Variants in RHOBTB3 observed in about 807,000 individuals in gnomAD.
RHOBTB3 encodes the protein Rho related BTB domain containing 3.
In RHOBTB3, 47 loss-of-function variants were observed where a neutral mutation model predicts 67.2. That is an observed-to-expected ratio of 0.70 (90% CI 0.55 to 0.89). The LOEUF (loss-of-function observed/expected upper bound fraction) is 0.89. Ranked by LOEUF, RHOBTB3 falls within the 40% of genes least tolerant of loss-of-function variation. The pLI is 0.00. For synonymous variants in RHOBTB3, 273 were observed against 274.2 expected, an observed-to-expected ratio of 1.00 and a Z score of 0.04; for missense variants, 631 against 750.0, an observed-to-expected ratio of 0.84 and a Z score of 1.85.
At chr5:95,767,742 C>T in intron 7 of RHOBTB3, 1 of 684,462 alleles carries the variant, frequency 1.5e-6, no homozygotes, top group Non-Finnish European at 2.7e-6. Flanking sequence ...CTACTGTTGT[C>T]TGTTTCTCAA....
intron 8 of RHOBTB3, chr5:95,769,535 A>C (rs867357433): frequency 5.7e-6 from 1 of 176,700 alleles, no homozygotes; most frequent in African/African-American, 2.4e-5. Context: ...CTGCAAATAG[A>C]GACAAATCAG....
At chr5:95,783,384 A>G (rs1018919871) in intron 9 of RHOBTB3, among the ~76,000 whole-genome samples, 1 of 151,690 alleles carries the variant, frequency 6.6e-6, no homozygotes, top group African/African-American at 2.4e-5. Context: ...GGCCTCCCCA[A>G]GTGCTGGGAT....
chr5:95,777,615 G>T (rs778649950), intron 8 of RHOBTB3, among the ~76,000 whole-genome samples: 1 of 152,034 alleles, frequency 6.6e-6, no homozygotes. Context: ...ACCATAAACC[G>T]CATTATGTTC....
chr5:95,751,309 A>G (rs923521067), intron 4 of RHOBTB3: 14 of 152,066 alleles, frequency 9.2e-5, no homozygotes, highest in Non-Finnish European at 4.4e-5. Context: ...CAGCCACACA[A>G]TTGTAGTGCT....
At chr5:95,769,389 A>G (rs1177672319) in intron 8 of RHOBTB3, 1 of 374,860 alleles carries the variant, frequency 2.7e-6, no homozygotes. Context: ...AGTCTTCGAG[A>G]AGATTACCAG....
Position 95,731,639 on chromosome 5 carries a change from G to T in RHOBTB3, c.-44G>T, listed in dbSNP as rs752321299. On this transcript the variant is annotated 5_prime_UTR_variant, in exon 1 of 12. Coordinates refer to ENST00000379982, the MANE Select transcript of RHOBTB3 (RefSeq NM_014899.4). ...CGGGGGCCCCGCGAAGCCGTGAGCC[G>T]CTGCTTTTCTCCGAGTCGCCGCCCT... The T allele has an allele frequency of 1.4e-5, 23 of 1,611,930 alleles. No homozygotes were observed. The highest frequency in any genetic ancestry group is 2.0e-5 in the Non-Finnish European group (23 of 1,179,302).
At chr5:95,743,372 C>G (rs2112784932) in intron 3 of RHOBTB3, among the ~76,000 whole-genome samples, 1 of 152,154 alleles carries the variant, frequency 6.6e-6, no homozygotes, top group Middle Eastern at 3.4e-3. Context: ...TTGGCTGCTT[C>G]CACTGGGGTT....
intron 1 of RHOBTB3, 83 bp downstream of exon 1, chr5:95,731,767 G>T: frequency 6.2e-7 from 1 of 1,605,412 alleles, no homozygotes; most frequent in Non-Finnish European, 8.5e-7. Flanking sequence ...GCCCATCCTC[G>T]CCGCGCGCTG....
chr5:95,727,410 C>G (rs1296714284), upstream of RHOBTB3, among the ~76,000 whole-genome samples: 1 of 152,198 alleles, frequency 6.6e-6, no homozygotes, highest in Non-Finnish European at 1.5e-5. Flanking sequence ...TGAATATTCA[C>G]AATTTGGGGA....
chr5:95,790,097 A>T (rs777048863), intron 11 of RHOBTB3, among the ~76,000 whole-genome samples: 1 of 152,256 alleles, frequency 6.6e-6, no homozygotes, highest in African/African-American at 2.4e-5. Context: ...GCCAGTCAAC[A>T]AACATTATAT....
chr5:95,783,111 TTTTA>T (rs1045907929), intron 9 of RHOBTB3, among the ~76,000 whole-genome samples: 36 of 150,810 alleles, frequency 2.4e-4, no homozygotes, highest in African/African-American at 8.0e-4. Flanking sequence ...TTTATTTTTA[TTTTA>T]TTTTATTTTT....
intron 9 of RHOBTB3, among the ~76,000 whole-genome samples, chr5:95,782,982 G>A (rs1746103642): frequency 6.6e-6 from 1 of 150,772 alleles, no homozygotes. Flanking sequence ...AGATAGTCCT[G>A]GAATTAATTT....
chr5:95,736,423 T>A (rs1321619575), intron 2 of RHOBTB3, among the ~76,000 whole-genome samples: 1 of 152,210 alleles, frequency 6.6e-6, no homozygotes, highest in Non-Finnish European at 1.5e-5. Context: ...GAATAAAGTA[T>A]ATGGAACTTC....
rs1755258648 is a variant in RHOBTB3, at chr5:95,731,681, T to A, written c.-2T>A. 2 of 1,613,400 alleles carry A rather than the reference T, an allele frequency of 1.2e-6. No individual in the cohort carries two copies. The highest frequency in any genetic ancestry group is 1.7e-6 in the Non-Finnish European group (2 of 1,179,786). On this transcript the variant is annotated 5_prime_UTR_variant, in exon 1 of 12. Coordinates refer to ENST00000379982, the MANE Select transcript of RHOBTB3 (RefSeq NM_014899.4). ...CGCCGCCCTGCCCTTGGATTTGAGA[T>A]CATGTACGTACGCGCCGCCGTCCTG...
intron 6 of RHOBTB3, among the ~76,000 whole-genome samples, chr5:95,757,672 T>C (rs1041571491): frequency 3.3e-5 from 5 of 152,232 alleles, no homozygotes; most frequent in African/African-American, 1.2e-4. Context: ...CGCAGATTTA[T>C]GTGGATAAAA....
chr5:95,764,230 T>G (rs1020730860), intron 7 of RHOBTB3, among the ~76,000 whole-genome samples: 1 of 152,194 alleles, frequency 6.6e-6, no homozygotes, highest in African/African-American at 2.4e-5. Context: ...ACACAATCTA[T>G]ATCATGAATA....
intron 8 of RHOBTB3, among the ~76,000 whole-genome samples, chr5:95,771,831 C>T (rs1214622872): frequency 2.0e-5 from 3 of 152,120 alleles, no homozygotes; most frequent in African/African-American, 4.8e-5. Flanking sequence ...CAGAGAAACA[C>T]AGGAATAGAT....
intron 6 of RHOBTB3, 29 bp downstream of exon 6, chr5:95,755,790 A>G: frequency 6.2e-7 from 1 of 1,608,790 alleles, no homozygotes; most frequent in Non-Finnish European, 8.5e-7. Context: ...CTGGTTACTT[A>G]CAATCTCATA....
intron 8 of RHOBTB3, among the ~76,000 whole-genome samples, chr5:95,775,433 T>TAC (rs1405001156): frequency 1.3e-5 from 2 of 149,064 alleles, no homozygotes; most frequent in African/African-American, 4.9e-5. Flanking sequence ...CACATATATA[T>TAC]ACTATTAAAC....
Sources: allele counts gnomAD v4.1 joint callset (sites outside exome capture counted in the v4.1 genomes callset), GRCh38; gene constraint gnomAD v4.1.1; transcripts MANE v1.5; gene names NCBI Gene and HGNC (gene_info 2026-07-23, HGNC 2026-07-21).